Variants in PCDHGA6 observed in about 807,000 individuals in gnomAD.
PCDHGA6 encodes protocadherin gamma subfamily A, 6, also known as protocadherin gamma-A6.
Under a neutral mutation model 60.6 loss-of-function variants are expected in PCDHGA6, and 41 were observed. That is an observed-to-expected ratio of 0.68 (90% CI 0.53 to 0.88). The LOEUF is 0.88. Among genes scored for constraint, PCDHGA6 ranks in the 40% least tolerant of loss-of-function variants. The pLI, the probability that PCDHGA6 is intolerant of heterozygous loss-of-function variation, is 0.00. For missense variants in PCDHGA6, 1,312 were observed against 1,203.0 expected (o/e 1.09, Z -1.34); for synonymous variants, 594 against 524.4 (o/e 1.13, Z -1.81).
In PCDHGA6 at chr5:141,502,866, C is replaced by CTTTTTTTTTT. The variant is rs549047197; in HGVS notation, c.2484-2522_2484-2513dup. On this transcript the variant is annotated intron_variant, in intron 2 of 3. Transcript: ENST00000517434. ...GAGCTGCCTAACCCTGACTCTCTGT[C>CTTTTTTTTTT]TTTTTTTTTTTTTTGACAGGGAGTC... 1.9e-3 allele frequency among the ~76,000 whole-genome samples: 240 copies of CTTTTTTTTTT among 127,966 alleles called. 11 individuals are homozygous for CTTTTTTTTTT. The highest frequency in any genetic ancestry group is 3.5e-3 in the Admixed American group (41 of 11,656). The allele number at this position is 127,966 out of a possible 152,430, so 84.0% of individuals were successfully genotyped here.
chr5:141,494,661 G>A, intron 1 of PCDHGA6, 146 bp from the exon 2 acceptor site: 2 of 1,492,976 alleles, frequency 1.3e-6, no homozygotes, highest in Non-Finnish European at 1.8e-6. Context: ...TTTGTCTTTG[G>A]AGATGAGTCC....
At position 141,423,457 on chromosome 5, in the gene PCDHGA6, G is replaced by A. The variant is rs148481587; in HGVS notation, c.2424+46950G>A. 6.9e-5 allele frequency: 111 copies of A among 1,614,010 alleles called. 2 individuals carry two copies. The South Asian group carries it at 9.3e-4, about 14-fold the overall frequency. ...TATGCCCACGTCACATTTTGTAGGC[G>A]TGGACGGGGTACAGGCTTTCCTGCA... On this transcript the variant is annotated intron_variant, in intron 1 of 3. Coordinates refer to ENST00000517434, the MANE Select transcript of PCDHGA6 (RefSeq NM_018919.3).
rs199877605 is a variant in PCDHGA6 at position 141,421,311 on chromosome 5, G to A, written c.2424+44804G>A. The A allele has an allele frequency of 9.5e-5, 154 of 1,613,788 alleles. No individual in the cohort carries two copies. The African/African-American group carries it at 1.9e-3, about 20-fold the overall frequency. On this transcript the variant is annotated intron_variant, in intron 1 of 3. Coordinates refer to ENST00000517434, the MANE Select transcript of PCDHGA6 (RefSeq NM_018919.3). ...TCCTGGGGACGCTGCGGGGGTTCCG[G>A]GCCAGGCAGATCCGATATTCGGTGC... is the stretch of plus-strand genomic sequence containing the variant.
At chr5:141,438,249 A>G (rs1166079222) in intron 1 of PCDHGA6, among the ~76,000 whole-genome samples, 2 of 152,168 alleles carry the variant, frequency 1.3e-5, no homozygotes, top group Non-Finnish European at 2.9e-5. Context: ...AAAAACTGTC[A>G]TTGAAGAGAC....
intron 1 of PCDHGA6, chr5:141,419,895 C>G (rs1209315374): frequency 6.2e-7 from 1 of 1,613,916 alleles, no homozygotes; most frequent in Non-Finnish European, 8.5e-7. Context: ...AGCGACCATC[C>G]CACACCCTCT....
At chr5:141,433,084 T>G in intron 1 of PCDHGA6, 1 of 1,614,184 alleles carries the variant, frequency 6.2e-7, no homozygotes, top group Non-Finnish European at 8.5e-7. Flanking sequence ...AGCCCAACTA[T>G]GCAGACATGC....
intron 1 of PCDHGA6, among the ~76,000 whole-genome samples, chr5:141,474,234 T>C (rs1458919904): frequency 6.6e-6 from 1 of 152,204 alleles, no homozygotes; most frequent in Non-Finnish European, 1.5e-5. Flanking sequence ...TAAGTGATGC[T>C]GAATAGGGGA....
chr5:141,393,520 A>G, intron 1 of PCDHGA6: 2 of 1,614,038 alleles, frequency 1.2e-6, no homozygotes, highest in Non-Finnish European at 1.7e-6. Context: ...TTGGATACAA[A>G]TGACAATGCC....
chr5:141,431,012 G>A lies in PCDHGA6; in HGVS notation c.2424+54505G>A. On this transcript the variant is annotated intron_variant, in intron 1 of 3. Coordinates refer to ENST00000517434, the MANE Select transcript of PCDHGA6 (RefSeq NM_018919.3). This position sits in a 1 kb window ranked among gnomAD's most constrained non-coding sequence, Gnocchi z 4.8. The stretch of plus-strand genomic sequence containing the variant: ...CCTGAATCCGCGCAGCGGCAGCTTG[G>A]TCACGGCGGGCAGGATAGACCGGGA... 1 of 1,613,314 alleles carries A rather than the reference G, an allele frequency of 6.2e-7. No individual in the cohort carries two copies. Among genetic ancestry groups the A allele is most frequent in the South Asian group, 1.1e-5 (1 of 91,076 alleles).
At position 141,476,668 on chromosome 5, in the gene PCDHGA6, G is replaced by A; in HGVS notation, c.2425-18139G>A. The A allele has an allele frequency of 6.2e-7, 1 of 1,614,262 alleles. No individual in the cohort carries two copies. Among genetic ancestry groups the A allele is most frequent in the Non-Finnish European group, 8.5e-7 (1 of 1,180,054 alleles). On this transcript the variant is annotated intron_variant, in intron 1 of 3. Transcript: ENST00000517434. This position sits in a 1 kb window ranked among gnomAD's most constrained non-coding sequence, Gnocchi z 7.6. ...GAAATGAATACTTTGCGCTTCGCGT[G>A]CAGACGCGGGAGGACAGCACCAAGT...
intron 1 of PCDHGA6, among the ~76,000 whole-genome samples, chr5:141,449,929 T>C (rs2098659723): frequency 6.6e-6 from 1 of 151,912 alleles, no homozygotes; most frequent in Non-Finnish European, 1.5e-5. Context: ...TACCATACCT[T>C]ATAGTATATT....
At chr5:141,494,355 G>T (rs910437011) in intron 1 of PCDHGA6, among the ~76,000 whole-genome samples, 4 of 152,234 alleles carry the variant, frequency 2.6e-5, no homozygotes, top group African/African-American at 9.6e-5. Flanking sequence ...CCATCTTGCT[G>T]CAGAGGATGC....
intron 1 of PCDHGA6, among the ~76,000 whole-genome samples, chr5:141,401,018 G>C (rs2094104038): frequency 6.6e-6 from 1 of 152,108 alleles, no homozygotes; most frequent in Admixed American, 6.5e-5. Flanking sequence ...ATGGATTTAT[G>C]ATTTTTTGAA....
intron 1 of PCDHGA6, chr5:141,415,014 C>T (rs747951360): frequency 1.2e-6 from 2 of 1,613,620 alleles, no homozygotes; most frequent in Non-Finnish European, 1.7e-6. Context: ...ACCGTCTGCT[C>T]AAGGCCAGCG....
intron 1 of PCDHGA6, chr5:141,478,721 C>A: frequency 6.5e-7 from 1 of 1,543,216 alleles, no homozygotes; most frequent in Non-Finnish European, 8.8e-7. Context: ...TGGTGGCCTG[C>A]CAGAGTGTGG....
chr5:141,404,838 C>T (rs1561696680), intron 1 of PCDHGA6: 1 of 1,613,850 alleles, frequency 6.2e-7, no homozygotes, highest in East Asian at 2.2e-5. Flanking sequence ...GTGCGCACAG[C>T]TCGGGCCCTG....
rs745516293 is a variant in PCDHGA6, at chr5:141,382,909, C to T, written c.2424+6402C>T. 11 of 1,546,196 alleles carry T rather than the reference C, an allele frequency of 7.1e-6. No homozygotes were observed. The South Asian group carries it at 1.4e-4, about 19-fold the overall frequency. On this transcript the variant is annotated intron_variant, in intron 1 of 3. Transcript: ENST00000517434. Reference sequence around the variant, plus strand: ...GAGAAGCAGGACGACTATGGCGGCTCAGCCGAGGGGCGGGGACTACAGAGG... The same window carrying T: ...GAGAAGCAGGACGACTATGGCGGCTTAGCCGAGGGGCGGGGACTACAGAGG...
chr5:141,462,198 G>C (rs2099034283), intron 1 of PCDHGA6, among the ~76,000 whole-genome samples: 1 of 152,182 alleles, frequency 6.6e-6, no homozygotes, highest in Non-Finnish European at 1.5e-5. Context: ...GACCTCAGGT[G>C]ATCCGCCTGC....
intron 1 of PCDHGA6, among the ~76,000 whole-genome samples, chr5:141,380,852 C>T (rs1429709070): frequency 1.3e-5 from 2 of 152,300 alleles, no homozygotes; most frequent in African/African-American, 4.8e-5. Flanking sequence ...TGGATCAAGA[C>T]ATTGAGAGCT....
Sources: gnomAD v4.1 joint callset for allele counts (sites outside exome capture counted in the v4.1 genomes callset) on GRCh38, gnomAD v4.1.1 for gene constraint, Gnocchi (gnomAD v3.1) non-coding constraint, MANE v1.5 for transcripts, NCBI Gene and HGNC (gene_info 2026-07-23, HGNC 2026-07-21) for gene names.